DNAH6: variants seen among roughly 807,000 people sequenced by gnomAD.
DNAH6 encodes axonemal beta dynein heavy chain 6.
DNAH6 carries 340 observed loss-of-function variants against 491.4 expected under a neutral mutation model. That is an observed-to-expected ratio of 0.69 (90% CI 0.63 to 0.76). The LOEUF (loss-of-function observed/expected upper bound fraction) is 0.76. Ranked by LOEUF, DNAH6 falls within the 30% of genes least tolerant of loss-of-function variation. DNAH6 has a pLI of 0.00. For synonymous variants in DNAH6, 1,603 were observed against 1,686.1 expected (o/e 0.95, Z 1.21); for missense variants, 4,443 against 4,972.2 (o/e 0.89, Z 3.20).
At chr2:84,614,776 T>C (rs1407189949) in intron 22 of DNAH6, among the ~76,000 whole-genome samples, 1 of 152,084 alleles carries the variant, frequency 6.6e-6, no homozygotes, top group Non-Finnish European at 1.5e-5. Context: ...CCCTGATCAT[T>C]AGTGATGTTG....
chr2:84,626,272 C>T (rs573715868), intron 29 of DNAH6, among the ~76,000 whole-genome samples: 67 of 152,216 alleles, frequency 4.4e-4, no homozygotes, highest in African/African-American at 1.4e-3. Flanking sequence ...TTTTATTAGA[C>T]ACAACTTTGT....
At chr2:84,629,150 A>G (rs1490769887) in intron 29 of DNAH6, among the ~76,000 whole-genome samples, 2 of 152,094 alleles carry the variant, frequency 1.3e-5, no homozygotes, top group African/African-American at 4.8e-5. Flanking sequence ...GATTTTTTTC[A>G]TCCATTCTCT....
chr2:84,495,094 G>A, the DNAH6 span, among the ~76,000 whole-genome samples: 1,705 of 152,274 alleles, frequency 0.011, 31 homozygotes, highest in African/African-American at 0.039. Flanking sequence ...TTCATATGAT[G>A]TGTGGCCTGG....
intron 19 of DNAH6, among the ~76,000 whole-genome samples, chr2:84,605,160 G>A (rs1350027768): frequency 2.7e-5 from 4 of 150,918 alleles, no homozygotes; most frequent in Non-Finnish European, 4.4e-5. Context: ...ATCCTGGCTA[G>A]CATGGTGAAA....
At chr2:84,710,621 T>A (rs1453014946) in intron 56 of DNAH6, among the ~76,000 whole-genome samples, 1 of 152,178 alleles carries the variant, frequency 6.6e-6, no homozygotes, top group Non-Finnish European at 1.5e-5. Context: ...GACATTGTTT[T>A]AGTGTTAAGA....
chr2:84,616,276 A>G (rs1468270043), intron 22 of DNAH6, among the ~76,000 whole-genome samples: 2 of 151,928 alleles, frequency 1.3e-5, no homozygotes, highest in Admixed American at 1.3e-4. Context: ...CTGTCAGTGG[A>G]GTATTGAAGT....
At chr2:84,745,879 G>A (rs1024227325) in intron 63 of DNAH6, among the ~76,000 whole-genome samples, 1 of 152,096 alleles carries the variant, frequency 6.6e-6, no homozygotes, top group Admixed American at 6.6e-5. Context: ...CAACAATGGA[G>A]AGGAGACATT....
rs1692811129 is a variant in DNAH6, at chr2:84,672,308, A to G, written c.6455-19A>G. On this transcript the variant is annotated intron_variant, in intron 39 of 76. Transcript: ENST00000389394. Reference sequence around the variant, plus strand: ...GGGAAAATCATAATTCTTAAATTAAATTCATTTTATTTCCCTAGGAGCACC... The same window carrying G: ...GGGAAAATCATAATTCTTAAATTAAGTTCATTTTATTTCCCTAGGAGCACC... 4 of 1,537,088 alleles carry G rather than the reference A, an allele frequency of 2.6e-6. No individual in the cohort carries two copies. The highest frequency in any genetic ancestry group is 3.5e-6 in the Non-Finnish European group (4 of 1,141,218).
chr2:84,634,672 A>G, intron 30 of DNAH6, 31 bp downstream of exon 30: 1 of 1,470,784 alleles, frequency 6.8e-7, no homozygotes, highest in Non-Finnish European at 9.0e-7. Context: ...CTTTCAAGGT[A>G]GCAATCCTTA....
chr2:84,816,062 G>T lies in DNAH6; in HGVS notation c.12352G>T (p.Ala4118Ser). The T allele has an allele frequency of 6.4e-7, 1 of 1,551,420 alleles. No homozygotes were observed. The highest frequency in any genetic ancestry group is 8.7e-7 in the Non-Finnish European group (1 of 1,146,818). The part of the protein sequence containing the change: ...HCPLYKTGAR[A>S]GTLSTTGHST... ...CCCACTTTATAAAACAGGAGCCCGG[G>T]CAGGAACACTCTCAACCACAGGTGA... The change falls in exon 76 of 77, where the codon GCA becomes TCA. Residue 4118 changes from alanine (A) to serine (S), a missense_variant. Around this residue, in one of 3 missense-constraint regions of DNAH6, gnomAD observed 1,463 missense variants for 1,656.6 expected, o/e 0.88. Transcript: ENST00000389394.
intron 26 of DNAH6, 122 bp downstream of exon 26, chr2:84,621,673 T>G: frequency 1.7e-6 from 1 of 572,576 alleles, no homozygotes; most frequent in Non-Finnish European, 3.1e-6. Context: ...ACATTTGTAA[T>G]AGCTCTTACA....
In DNAH6 at chr2:84,553,485, C is replaced by A. The variant is rs1377903246; in HGVS notation, c.1602+451C>A. 2.8e-5 allele frequency among the ~76,000 whole-genome samples: 4 copies of A among 143,476 alleles called. No homozygotes were observed. The East Asian group carries it at 8.5e-4, about 30-fold the overall frequency. 94.1% of individuals were successfully genotyped at this position (143,476 alleles called of 152,430 possible). ...TCTTTTCTTTCTTTTTTTTTTGAAA[C>A]AGGGATTCACTCTGTCACCCGGGCT... On this transcript the variant is annotated intron_variant, in intron 10 of 76. Transcript: ENST00000389394.
chr2:84,509,359 G>A, the DNAH6 span, among the ~76,000 whole-genome samples: 1 of 152,104 alleles, frequency 6.6e-6, no homozygotes, highest in Middle Eastern at 3.2e-3. Flanking sequence ...GATACTTGTT[G>A]GTTTAAAGTC....
chr2:84,661,484 A>G (rs1691503797), intron 37 of DNAH6, among the ~76,000 whole-genome samples: 1 of 152,190 alleles, frequency 6.6e-6, no homozygotes, highest in African/African-American at 2.4e-5. Flanking sequence ...GTACATTAGT[A>G]AGGCCCTTGG....
chr2:84,793,575 TCCGA>T (rs1678000603), intron 68 of DNAH6, among the ~76,000 whole-genome samples: 1 of 152,196 alleles, frequency 6.6e-6, no homozygotes, highest in Non-Finnish European at 1.5e-5. Flanking sequence ...GAGCTTCAAG[TCCGA>T]CCATATTAGA....
intron 37 of DNAH6, among the ~76,000 whole-genome samples, chr2:84,660,142 GA>G: frequency 6.6e-6 from 1 of 152,158 alleles, no homozygotes; most frequent in African/African-American, 2.4e-5. Flanking sequence ...CTCCACTAAA[GA>G]AAATGAGAAA....
intron 48 of DNAH6, among the ~76,000 whole-genome samples, chr2:84,700,824 A>G (rs537096419): frequency 2.0e-5 from 3 of 152,314 alleles, no homozygotes; most frequent in African/African-American, 4.8e-5. Context: ...GAAGCACCCA[A>G]TCATTAATTC....
chr2:84,562,229 A>T (rs1185404556), intron 11 of DNAH6, among the ~76,000 whole-genome samples: 1 of 152,164 alleles, frequency 6.6e-6, no homozygotes, highest in Non-Finnish European at 1.5e-5. Context: ...TGGTATTTTT[A>T]AAAAATATAT....
At chr2:84,777,653 G>A in intron 64 of DNAH6, 2 of 812,086 alleles carry the variant, frequency 2.5e-6, no homozygotes, top group South Asian at 2.7e-5. Context: ...ACTCCATACA[G>A]GCACACTGGA....
Sources: gnomAD v4.1 joint callset for allele counts (sites outside exome capture counted in the v4.1 genomes callset) on GRCh38, gnomAD v4.1.1 for gene constraint, gnomAD v4.1.1 regional missense constraint, MANE v1.5 for transcripts, NCBI Gene and HGNC (gene_info 2026-07-23, HGNC 2026-07-21) for gene names.